UXS1: variants seen among roughly 807,000 people sequenced by gnomAD.
UXS1 encodes UDP-glucuronate decarboxylase 1.
In UXS1, 33 loss-of-function variants were observed where a neutral mutation model predicts 62.6. The ratio of observed to expected loss-of-function variants is 0.53; its 90% CI spans 0.40 to 0.70. The LOEUF is 0.70. Among genes scored for constraint, UXS1 ranks in the 30% least tolerant of loss-of-function variants. The pLI is 0.00. For synonymous variants in UXS1, 213 were observed against 206.8 expected (o/e 1.03, Z -0.26); for missense variants, 434 against 556.3 (o/e 0.78, Z 2.21).
chr2:106,153,189 G>A (rs950019376), intron 5 of UXS1, among the ~76,000 whole-genome samples: 1 of 152,226 alleles, frequency 6.6e-6, no homozygotes, highest in Admixed American at 6.5e-5. Context: ...ACCTCCTGGG[G>A]TCAGAACAAA....
intron 1 of UXS1, among the ~76,000 whole-genome samples, chr2:106,175,985 C>G (rs1376355151): frequency 6.6e-6 from 1 of 152,156 alleles, no homozygotes; most frequent in Non-Finnish European, 1.5e-5. Context: ...AGGTCACAGC[C>G]CTCAAATCAA....
intron 10 of UXS1, 87 bp from the exon 11 acceptor site, chr2:106,104,924 A>T (rs1677930385): frequency 1.3e-6 from 2 of 1,523,684 alleles, no homozygotes; most frequent in Non-Finnish European, 9.1e-7. Flanking sequence ...ACACAGTCCG[A>T]CCTTGAAACT....
chr2:106,104,837 C>T lies in UXS1; in HGVS notation c.880G>A (p.Val294Ile). The T allele has an allele frequency of 6.2e-7, 1 of 1,613,904 alleles. No homozygotes were observed. The highest frequency in any genetic ancestry group is 8.5e-7 in the Non-Finnish European group (1 of 1,179,866). Residue 294 changes from valine (V) to isoleucine (I), a missense_variant and splice_region_variant, in exon 11 of 15, where the codon GTA (valine) becomes ATA (isoleucine). By Grantham distance (29) the Val-to-Ile change is conservative (BLOSUM62 3). Around this residue, in one of 3 missense-constraint regions of UXS1, gnomAD observed 209 missense variants for 233.3 expected, o/e 0.90. Transcript: ENST00000283148. ...LQALQGEPLT[V>I]YGSGSQTRAF... is the part of the protein sequence containing the mutation. ...CTTGTCTGAGACCCGGATCCGTATA[C>T]CTGGAAGGAAACCAACAGTTAGGCC...
At chr2:106,116,550 C>G (rs1006493805) in intron 9 of UXS1, among the ~76,000 whole-genome samples, 1 of 152,246 alleles carries the variant, frequency 6.6e-6, no homozygotes, top group African/African-American at 2.4e-5. Flanking sequence ...CCAGGACCCT[C>G]TCTTTGTCCA....
chr2:106,165,946 T>C, intron 2 of UXS1, 110 bp downstream of exon 2: 1 of 1,069,804 alleles, frequency 9.3e-7, no homozygotes, highest in Non-Finnish European at 1.3e-6. Context: ...AACCCACTTT[T>C]GTTTTAAAAA....
chr2:106,162,044 G>C (rs923867992), intron 4 of UXS1, among the ~76,000 whole-genome samples: 1 of 152,122 alleles, frequency 6.6e-6, no homozygotes. Context: ...TAAGCTAGAC[G>C]GAGTTCCATC....
chr2:106,119,176 C>T (rs1450043219), intron 9 of UXS1, among the ~76,000 whole-genome samples: 1 of 152,204 alleles, frequency 6.6e-6, no homozygotes, highest in Non-Finnish European at 1.5e-5. Flanking sequence ...GGCGCATGAA[C>T]CACTCATTCT....
chr2:106,179,215 C>T (rs897087721), intron 1 of UXS1, among the ~76,000 whole-genome samples: 11 of 152,160 alleles, frequency 7.2e-5, no homozygotes, highest in African/African-American at 2.7e-4. Flanking sequence ...CCCAAAGGAT[C>T]CTTTGTGATG....
intron 6 of UXS1, among the ~76,000 whole-genome samples, chr2:106,142,867 A>AT (rs1424366304): frequency 6.6e-6 from 1 of 151,990 alleles, no homozygotes; most frequent in Non-Finnish European, 1.5e-5. Flanking sequence ...AGCACCAGTC[A>AT]TTTATTGTAT....
intron 1 of UXS1, among the ~76,000 whole-genome samples, chr2:106,182,169 A>G (rs992019919): frequency 2.6e-5 from 4 of 152,234 alleles, no homozygotes; most frequent in Non-Finnish European, 4.4e-5. Context: ...TGGGTGTCCA[A>G]TCTTTTGGAA....
chr2:106,178,161 C>T (rs1426097790), intron 1 of UXS1, among the ~76,000 whole-genome samples: 4 of 152,210 alleles, frequency 2.6e-5, no homozygotes, highest in African/African-American at 4.8e-5. Context: ...CTGTGCCCGC[C>T]GCGTGGGGGC....
intron 1 of UXS1, among the ~76,000 whole-genome samples, chr2:106,170,940 T>C (rs978360979): frequency 6.6e-6 from 1 of 152,252 alleles, no homozygotes; most frequent in East Asian, 1.9e-4. Flanking sequence ...ATATTTGAAC[T>C]GAATTAAACC....
At chr2:106,155,954 G>GA (rs1245432237) in intron 5 of UXS1, among the ~76,000 whole-genome samples, 1 of 151,986 alleles carries the variant, frequency 6.6e-6, no homozygotes, top group Non-Finnish European at 1.5e-5. Context: ...AAACTCTTAG[G>GA]AAAAAAACAT....
chr2:106,100,998 GT>G, intron 12 of UXS1, 59 bp downstream of exon 12: 5 of 1,599,908 alleles, frequency 3.1e-6, no homozygotes, highest in Non-Finnish European at 4.3e-6. Flanking sequence ...GCTGCTCATG[GT>G]TTCACAAATG....
intron 1 of UXS1, among the ~76,000 whole-genome samples, chr2:106,185,403 C>T (rs531747488): frequency 6.6e-6 from 1 of 152,216 alleles, no homozygotes; most frequent in Non-Finnish European, 1.5e-5. Context: ...GTGTGCTTTT[C>T]CCATACTACC....
chr2:106,109,251 C>T (rs1678376062), intron 10 of UXS1, among the ~76,000 whole-genome samples: 1 of 152,128 alleles, frequency 6.6e-6, no homozygotes, highest in South Asian at 2.1e-4. Context: ...CCTCACCATA[C>T]TTTAGTACCA....
rs1362032268 is a variant in UXS1 at position 106,194,187 on chromosome 2, T to C, written c.55A>G (p.Lys19Glu). 1 of 1,480,530 alleles carries C rather than the reference T, an allele frequency of 6.8e-7. No homozygotes were observed. The highest frequency in any genetic ancestry group is 9.0e-7 in the Non-Finnish European group (1 of 1,113,546). 91.7% of individuals were successfully genotyped at this position (1,480,530 alleles called of 1,614,324 possible). ...LVSAVNRRRM[K>E]LLLGIALLAY... ...AGCAAGGCGATGCCCAGCAGCAGCT[T>C]CATCCTCCTGCGGTTGACGGCAGAC... is the stretch of plus-strand genomic sequence containing the variant. Residue 19 changes from lysine (K) to glutamate (E), a missense_variant, in exon 1 of 15, where the codon AAG (lysine) becomes GAG (glutamate). Lys to Glu is a moderately conservative substitution (Grantham distance 56, BLOSUM62 1). This residue lies in a region of UXS1 where 91 missense variants were observed against 71.1 expected (regional missense o/e 1.28). Coordinates refer to ENST00000283148, the MANE Select transcript of UXS1 (RefSeq NM_001253875.2).
intron 10 of UXS1, among the ~76,000 whole-genome samples, chr2:106,111,969 A>G (rs1678652239): frequency 6.6e-6 from 1 of 152,168 alleles, no homozygotes; most frequent in African/African-American, 2.4e-5. Context: ...AGCAAAACCA[A>G]AGATGCCGGC....
intron 10 of UXS1, among the ~76,000 whole-genome samples, chr2:106,111,931 C>T (rs910831894): frequency 6.6e-6 from 1 of 151,794 alleles, no homozygotes; most frequent in Non-Finnish European, 1.5e-5. Flanking sequence ...GAGGAGTGAC[C>T]GGGGAGCTGG....
Sources: gnomAD v4.1 joint callset for allele counts (sites outside exome capture counted in the v4.1 genomes callset) on GRCh38, gnomAD v4.1.1 for gene constraint, gnomAD v4.1.1 regional missense constraint, MANE v1.5 for transcripts, NCBI Gene and HGNC (gene_info 2026-07-23, HGNC 2026-07-21) for gene names.